The following PARD3B variants were observed in gnomAD, a reference collection of about 807,000 sequenced individuals.
PARD3B encodes partitioning defective 3 homolog B.
Under a neutral mutation model 130.2 loss-of-function variants are expected in PARD3B, and 103 were observed. The ratio of observed to expected loss-of-function variants is 0.79; its 90% confidence interval spans 0.67 to 0.93. The LOEUF (loss-of-function observed/expected upper bound fraction) is 0.93. PARD3B is among the 40% of genes least tolerant of loss of function. The pLI is 0.00. For synonymous variants in PARD3B, 583 were observed against 553.2 expected, an observed-to-expected ratio of 1.05 and a Z score of -0.76; for missense variants, 1,609 against 1,499.2, an observed-to-expected ratio of 1.07 and a Z score of -1.21.
intron 4 of PARD3B, among the ~76,000 whole-genome samples, chr2:205,068,434 A>G (rs1700520726): frequency 6.6e-6 from 1 of 152,104 alleles, no homozygotes; most frequent in Non-Finnish European, 1.5e-5. Context: ...TGTCTATACT[A>G]TTAGTTTAAA....
chr2:204,613,960 T>A (rs1205592727), intron 1 of PARD3B, among the ~76,000 whole-genome samples: 3 of 152,154 alleles, frequency 2.0e-5, no homozygotes, highest in Non-Finnish European at 4.4e-5. Context: ...GAGTCTCTAG[T>A]CTGTCCTTCG....
intron 3 of PARD3B, among the ~76,000 whole-genome samples, chr2:205,044,250 A>G (rs370257030): frequency 2.7e-5 from 4 of 148,116 alleles, no homozygotes; most frequent in Admixed American, 6.8e-5. Flanking sequence ...ATTGTGAATA[A>G]TGCCGCAATA....
intron 22 of PARD3B, among the ~76,000 whole-genome samples, chr2:205,557,900 C>G (rs1402524379): frequency 6.6e-6 from 1 of 152,116 alleles, no homozygotes; most frequent in Non-Finnish European, 1.5e-5. Flanking sequence ...GCTTTCCTCC[C>G]CCTGCCTACT....
At chr2:205,502,087 C>T (rs1033446751) in intron 21 of PARD3B, among the ~76,000 whole-genome samples, 1 of 152,132 alleles carries the variant, frequency 6.6e-6, no homozygotes, top group Non-Finnish European at 1.5e-5. Flanking sequence ...GGATTAGAAT[C>T]TCAGCATCCT....
intron 18 of PARD3B, among the ~76,000 whole-genome samples, chr2:205,363,500 G>A (rs2044474146): frequency 6.6e-6 from 1 of 152,194 alleles, no homozygotes; most frequent in Admixed American, 6.5e-5. Flanking sequence ...CTCAATAAAT[G>A]TGAGTTATAA....
intron 15 of PARD3B, among the ~76,000 whole-genome samples, chr2:205,223,165 A>G (rs2038335278): frequency 6.6e-6 from 1 of 152,230 alleles, no homozygotes; most frequent in Non-Finnish European, 1.5e-5. Flanking sequence ...TGAGAAAAAA[A>G]CAGGAATCAC....
At chr2:205,400,024 C>T (rs2046192708) in intron 18 of PARD3B, among the ~76,000 whole-genome samples, 1 of 152,092 alleles carries the variant, frequency 6.6e-6, no homozygotes, top group South Asian at 2.1e-4. Context: ...AAAATGAGAG[C>T]ATTGAACGAG....
At chr2:204,924,841 G>A (rs935587188) in intron 2 of PARD3B, among the ~76,000 whole-genome samples, 3 of 151,982 alleles carry the variant, frequency 2.0e-5, no homozygotes, top group Non-Finnish European at 4.4e-5. Context: ...AATGATCAGC[G>A]AGGCTAATAA....
intron 19 of PARD3B, among the ~76,000 whole-genome samples, chr2:205,425,567 AAC>A (rs1230614886): frequency 4.2e-4 from 63 of 151,774 alleles, no homozygotes; most frequent in Non-Finnish European, 6.9e-4. Context: ...AAAAAAAAAA[AAC>A]AACAACATTT....
chr2:205,569,780 T>A (rs75935606), intron 22 of PARD3B, among the ~76,000 whole-genome samples: 2 of 152,188 alleles, frequency 1.3e-5, no homozygotes, highest in African/African-American at 4.8e-5. Context: ...TATTCAGTGT[T>A]CTGGGAATAG....
chr2:205,398,909 T>TTC (rs1277347317), intron 18 of PARD3B, among the ~76,000 whole-genome samples: 1 of 152,194 alleles, frequency 6.6e-6, no homozygotes, highest in East Asian at 1.9e-4. Flanking sequence ...GAGACTCTGA[T>TTC]TCTCTGTGTG....
chr2:205,385,483 T>C (rs1255233641), intron 18 of PARD3B, among the ~76,000 whole-genome samples: 2 of 152,194 alleles, frequency 1.3e-5, no homozygotes, highest in Non-Finnish European at 2.9e-5. Context: ...TATAAATTCC[T>C]ATAGAGGGCT....
intron 22 of PARD3B, among the ~76,000 whole-genome samples, chr2:205,582,451 T>C (rs1179138983): frequency 3.3e-5 from 5 of 152,160 alleles, no homozygotes; most frequent in Non-Finnish European, 4.4e-5. Flanking sequence ...TAATTGTGCT[T>C]GAGAAAAAGC....
intron 8 of PARD3B, 88 bp from the exon 9 acceptor site, chr2:205,124,239 T>C: frequency 8.4e-6 from 9 of 1,071,766 alleles, no homozygotes; most frequent in Non-Finnish European, 1.1e-5. Context: ...TCTATATTAG[T>C]CTAAATTAGG....
rs1466843893 is a variant in PARD3B, at chr2:204,974,799, T to C, written c.394+9476T>C. Among the ~76,000 whole-genome samples the C allele has an allele frequency of 1.3e-5, 2 of 152,216 alleles. 1 individual carries two copies. The highest frequency in any genetic ancestry group is 2.9e-5 in the Non-Finnish European group (2 of 68,040). On this transcript the variant is annotated intron_variant, in intron 3 of 22. Transcript: ENST00000406610. ...TTAACGATACAGTTATGAAAATCAGTATATCAAGTGTCAATGCCAGAGAAA... is the reference window on the plus strand; with the variant it reads ...TTAACGATACAGTTATGAAAATCAGCATATCAAGTGTCAATGCCAGAGAAA...
chr2:204,588,189 C>A (rs897291487), intron 1 of PARD3B, among the ~76,000 whole-genome samples: 2 of 152,102 alleles, frequency 1.3e-5, no homozygotes, highest in African/African-American at 4.8e-5. Context: ...GACTGGCTTC[C>A]GTGACTTGGA....
intron 18 of PARD3B, among the ~76,000 whole-genome samples, chr2:205,335,058 C>A (rs532383567): frequency 1.3e-5 from 2 of 152,298 alleles, no homozygotes; most frequent in South Asian, 2.1e-4. Flanking sequence ...AGATAAGGAA[C>A]AAGCCTATAG....
rs150376921 is a variant in PARD3B, at chr2:205,184,509, G to C, written c.1925-1255G>C. 7.2e-3 allele frequency among the ~76,000 whole-genome samples: 1,102 copies of C among 152,232 alleles called. 12 individuals carry two copies. The highest frequency in any genetic ancestry group is 0.025 in the African/African-American group (1,045 of 41,528). On this transcript the variant is annotated intron_variant, in intron 13 of 22. Transcript: ENST00000406610. ...TGTAATCCCAGCACTTTGGGAGGCG[G>C]AGATGAGTGGATCATGAGGTCAGGA...
At chr2:204,968,611 C>T (rs1305908261) in intron 3 of PARD3B, among the ~76,000 whole-genome samples, 2 of 152,226 alleles carry the variant, frequency 1.3e-5, no homozygotes, top group Non-Finnish European at 2.9e-5. Context: ...TTTGCAGATA[C>T]TGTTCTCTTT....
Sources: allele counts gnomAD v4.1 joint callset (sites outside exome capture counted in the v4.1 genomes callset), GRCh38; gene constraint gnomAD v4.1.1; transcripts MANE v1.5; gene names NCBI Gene and HGNC (gene_info 2026-07-23, HGNC 2026-07-21).